The following TRERF1 variants were observed in gnomAD, a reference collection of about 807,000 sequenced individuals.
TRERF1 encodes transcriptional regulating factor 1, also known as transcriptional-regulating factor 1.
Under a neutral mutation model 122.9 loss-of-function variants are expected in TRERF1, and 27 were observed. The observed-to-expected ratio is 0.22, with a 90% CI of 0.16 to 0.30. The LOEUF (loss-of-function observed/expected upper bound fraction) is 0.30, where lower values mean the gene tolerates loss of function less well. TRERF1 is among the 10% of genes least tolerant of loss of function. TRERF1 has a pLI of 1.00. For synonymous variants in TRERF1, 636 were observed against 641.7 expected (o/e 0.99, Z 0.13); for missense variants, 1,248 against 1,560.3 (o/e 0.80, Z 3.37).
chr6:42,437,491 C>T (rs1383105497), intron 2 of TRERF1, among the ~76,000 whole-genome samples: 1 of 152,144 alleles, frequency 6.6e-6, no homozygotes, highest in East Asian at 1.9e-4. Context: ...TAAACCTTTT[C>T]AGTCAGTAAA....
intron 2 of TRERF1, among the ~76,000 whole-genome samples, chr6:42,391,430 T>C (rs1777716273): frequency 6.6e-6 from 1 of 150,552 alleles, no homozygotes; most frequent in Non-Finnish European, 1.5e-5. Flanking sequence ...CCATCTGCCA[T>C]TATTTCCCAG....
At chr6:42,281,731 G>C (rs66742884) in intron 4 of TRERF1, among the ~76,000 whole-genome samples, 4,157 of 152,256 alleles carry the variant, frequency 0.027, 57 homozygotes, top group Non-Finnish European at 0.037. Flanking sequence ...GGCTGTAGGA[G>C]GGACACCCAG....
intron 3 of TRERF1, among the ~76,000 whole-genome samples, chr6:42,305,212 T>G (rs1402012605): frequency 6.6e-6 from 1 of 152,176 alleles, no homozygotes; most frequent in Non-Finnish European, 1.5e-5. Flanking sequence ...CCATCCTCTT[T>G]ATCCCATCAC....
chr6:42,442,803 T>C (rs1562221240), intron 2 of TRERF1, among the ~76,000 whole-genome samples: 1 of 152,234 alleles, frequency 6.6e-6, no homozygotes, highest in Admixed American at 6.5e-5. Context: ...TATTTAATGC[T>C]GTATAGTATT....
intron 3 of TRERF1, among the ~76,000 whole-genome samples, chr6:42,353,973 T>G (rs868248313): frequency 2.6e-5 from 4 of 152,248 alleles, no homozygotes; most frequent in Non-Finnish European, 5.9e-5. Context: ...ACTTTAATTT[T>G]TTTATGTTTG....
At chr6:42,408,613 G>C (rs184442678) in intron 2 of TRERF1, among the ~76,000 whole-genome samples, 2 of 151,854 alleles carry the variant, frequency 1.3e-5, no homozygotes, top group East Asian at 3.9e-4. Context: ...CCTGACTTCA[G>C]GTGATCCACC....
At chr6:42,225,018 G>A (rs980034604), downstream of TRERF1, 6 of 152,020 alleles carry the variant, frequency 3.9e-5, no homozygotes, top group Middle Eastern at 3.2e-3. Flanking sequence ...GTGTCTGTTT[G>A]GTTACATCTC....
At chr6:42,258,598 G>A (rs571360773) in intron 9 of TRERF1, among the ~76,000 whole-genome samples, 6 of 152,118 alleles carry the variant, frequency 3.9e-5, no homozygotes, top group Non-Finnish European at 8.8e-5. Flanking sequence ...TTTTTGAGAC[G>A]GAGTCTCGCT....
At chr6:42,314,166 A>C (rs897834661) in intron 3 of TRERF1, among the ~76,000 whole-genome samples, 1 of 152,146 alleles carries the variant, frequency 6.6e-6, no homozygotes, top group African/African-American at 2.4e-5. Flanking sequence ...ATGCATGTAC[A>C]TATTAGGAAA....
At position 42,373,495 on chromosome 6, in the gene TRERF1, G is replaced by A. The variant is rs184432391; in HGVS notation, c.-453-10416C>T. Among the ~76,000 whole-genome samples the A allele has an allele frequency of 5.7e-3, 869 of 152,136 alleles. 6 individuals carry two copies. The highest frequency in any genetic ancestry group is 0.02 in the African/African-American group (813 of 41,492). Reference sequence around the variant, plus strand: ...ATCCTGGCAAACACAGTGAAACCCCGTCTCTATTAAAAATACAAAAAATTA... The same window carrying A: ...ATCCTGGCAAACACAGTGAAACCCCATCTCTATTAAAAATACAAAAAATTA... On this transcript the variant is annotated intron_variant, in intron 2 of 17. Transcript: ENST00000372922.
At position 42,268,264 on chromosome 6, in the gene TRERF1, G is replaced by T. The variant is rs371552696; in HGVS notation, c.1327C>A (p.Arg443=). 1 of 1,492,698 alleles carries T rather than the reference G, an allele frequency of 6.7e-7. No individual in the cohort carries two copies. Among genetic ancestry groups the T allele is most frequent in the African/African-American group, 1.4e-5 (1 of 71,132 alleles). 92.5% of individuals were successfully genotyped at this position (1,492,698 alleles called of 1,614,324 possible). A position where few individuals can be genotyped will look rare whatever the true frequency, so the allele number is the denominator to read the frequency against. ...CGATGGGGGAGGGTGCTGCTGACCC[G>T]GGTCAGATCTGAGCTCGCTGGGTCT... Residue 443 remains arginine, a synonymous_variant, in exon 5 of 18, where the codon CGG becomes AGG. Transcript: ENST00000372922. The surrounding 1 kb of genome is among the most constrained non-coding windows in gnomAD (Gnocchi z 4.4).
At chr6:42,333,831 A>T (rs1267904539) in intron 3 of TRERF1, among the ~76,000 whole-genome samples, 1 of 152,212 alleles carries the variant, frequency 6.6e-6, no homozygotes, top group Admixed American at 6.5e-5. Flanking sequence ...AAAGACACTG[A>T]GGCCCAGGGC....
At chr6:42,435,464 T>C (rs1374205449) in intron 2 of TRERF1, among the ~76,000 whole-genome samples, 1 of 151,954 alleles carries the variant, frequency 6.6e-6, no homozygotes, top group Non-Finnish European at 1.5e-5. Context: ...GGCAGGAGGA[T>C]TGCTTGAGCC....
At chr6:42,282,432 C>T (rs1344324085) in intron 4 of TRERF1, among the ~76,000 whole-genome samples, 1 of 152,184 alleles carries the variant, frequency 6.6e-6, no homozygotes, top group African/African-American at 2.4e-5. Flanking sequence ...CTTGTAGTCC[C>T]AGCTACTTGG....
At chr6:42,366,283 T>C (rs1484685269) in intron 2 of TRERF1, among the ~76,000 whole-genome samples, 1 of 152,226 alleles carries the variant, frequency 6.6e-6, no homozygotes, top group Non-Finnish European at 1.5e-5. Flanking sequence ...AACTGCCCGC[T>C]GCTCAACACA....
chr6:42,451,541 C>T (rs1243102964), intron 1 of TRERF1, among the ~76,000 whole-genome samples, 133 bp downstream of exon 1: 1 of 152,054 alleles, frequency 6.6e-6, no homozygotes, highest in Non-Finnish European at 1.5e-5. Context: ...CGCCTCCACC[C>T]TCCCTTCAGG....
chr6:42,416,080 A>AT (rs983704319), intron 2 of TRERF1, among the ~76,000 whole-genome samples: 2 of 151,870 alleles, frequency 1.3e-5, no homozygotes, highest in Non-Finnish European at 2.9e-5. Context: ...TACAAGTGGG[A>AT]TTTTTTTTCT....
intron 3 of TRERF1, among the ~76,000 whole-genome samples, chr6:42,324,228 A>G (rs1763917630): frequency 6.6e-6 from 1 of 152,232 alleles, no homozygotes; most frequent in African/African-American, 2.4e-5. Context: ...CAAGAACTAC[A>G]AAACATTGCT....
At chr6:42,255,372 A>G (rs930162592) in intron 12 of TRERF1, among the ~76,000 whole-genome samples, 3 of 152,276 alleles carry the variant, frequency 2.0e-5, no homozygotes, top group African/African-American at 4.8e-5. Context: ...CCATCCTTCC[A>G]GAGAGCCTAG....
Sources: gnomAD v4.1 joint callset for allele counts (sites outside exome capture counted in the v4.1 genomes callset) on GRCh38, gnomAD v4.1.1 for gene constraint, Gnocchi (gnomAD v3.1) non-coding constraint, MANE v1.5 for transcripts, NCBI Gene and HGNC (gene_info 2026-07-23, HGNC 2026-07-21) for gene names.